Variants in FRYL observed in about 807,000 individuals in gnomAD.
FRYL encodes the protein FRY like transcription coactivator, also known as protein furry homolog-like.
A neutral mutation model predicts 351.2 loss-of-function variants in FRYL; 150 were observed. The observed-to-expected ratio is 0.43, with a 90% CI of 0.37 to 0.49. The LOEUF is 0.49. FRYL is among the 20% of genes least tolerant of loss of function. The probability of loss-of-function intolerance (pLI) is 0.00; values close to 1 mark genes in which losing one functional copy is unlikely to be tolerated. For missense variants in FRYL, 3,036 were observed against 3,619.3 expected (o/e 0.84, Z 4.13); for synonymous variants, 1,153 against 1,257.1 (o/e 0.92, Z 1.75).
At chr4:48,587,539 T>A (rs910133514) in intron 18 of FRYL, among the ~76,000 whole-genome samples, 1 of 151,936 alleles carries the variant, frequency 6.6e-6, no homozygotes, top group African/African-American at 2.4e-5. Flanking sequence ...TGGGTTTTAT[T>A]TTTATTTTTT....
Position 48,629,651 on chromosome 4 carries a change from G to A in FRYL, c.120+4640C>T, listed in dbSNP as rs75962928. Among the ~76,000 whole-genome samples, 354 of 152,180 alleles carry A rather than the reference G, an allele frequency of 2.3e-3. 3 individuals carry two copies. The highest frequency in any genetic ancestry group is 8.1e-3 in the African/African-American group (335 of 41,524). ...AGATTTAGGACAGGAAGTTGGAATGGGGACTGAAATTTCAGATAACATGAT... is the reference window on the plus strand; with the variant it reads ...AGATTTAGGACAGGAAGTTGGAATGAGGACTGAAATTTCAGATAACATGAT... On this transcript the variant is annotated intron_variant, in intron 4 of 63. Transcript: ENST00000358350.
At chr4:48,678,702 G>C (rs1400198662) in intron 3 of FRYL, among the ~76,000 whole-genome samples, 1 of 151,502 alleles carries the variant, frequency 6.6e-6, no homozygotes. Context: ...TTTTATTTTT[G>C]AAGAGAAAAA....
intron 13 of FRYL, among the ~76,000 whole-genome samples, chr4:48,601,419 C>G (rs1056097254): frequency 6.6e-6 from 1 of 152,136 alleles, no homozygotes; most frequent in South Asian, 2.1e-4. Context: ...GCAGAGCATC[C>G]TGGGAAGAAA....
intron 16 of FRYL, among the ~76,000 whole-genome samples, 176 bp from the exon 17 acceptor site, chr4:48,591,006 A>C (rs1210113207): frequency 2.0e-5 from 3 of 152,142 alleles, no homozygotes; most frequent in Non-Finnish European, 4.4e-5. Flanking sequence ...AATTTGCTTT[A>C]ATATCAAATT....
At position 48,763,537 on chromosome 4, in the gene FRYL, T is replaced by A. The variant is rs1774629292; in HGVS notation, c.-384+16541A>T. On this transcript the variant is annotated intron_variant, in intron 1 of 63. Coordinates refer to ENST00000358350, the MANE Select transcript of FRYL (RefSeq NM_015030.2). ...CTTAATCATTCAAAATGTATTAAAT[T>A]CAAAGTGGAGTACATGTACCCCTTA... Among the ~76,000 whole-genome samples, 4 of 152,262 alleles carry A rather than the reference T, an allele frequency of 2.6e-5. No homozygotes were observed. The South Asian group carries it at 8.3e-4, about 32-fold the overall frequency.
intron 18 of FRYL, among the ~76,000 whole-genome samples, chr4:48,587,996 A>AC (rs1156922279): frequency 9.9e-5 from 15 of 152,222 alleles, no homozygotes; most frequent in Non-Finnish European, 2.1e-4. Context: ...AATTTAAGCT[A>AC]CCATACATTA....
At chr4:48,602,907 G>C (rs1745993781) in intron 12 of FRYL, among the ~76,000 whole-genome samples, 1 of 152,184 alleles carries the variant, frequency 6.6e-6, no homozygotes, top group South Asian at 2.1e-4. Context: ...CAGGTTTGTA[G>C]TCTGGGAGCA....
intron 58 of FRYL, among the ~76,000 whole-genome samples, chr4:48,510,374 T>C (rs1013531329): frequency 8.5e-5 from 13 of 152,192 alleles, no homozygotes; most frequent in Admixed American, 8.5e-4. Context: ...CCTCAAGTGT[T>C]TTCAAAGACG....
At chr4:48,641,081 A>T (rs1228690487) in intron 3 of FRYL, among the ~76,000 whole-genome samples, 2 of 152,204 alleles carry the variant, frequency 1.3e-5, no homozygotes, top group Non-Finnish European at 2.9e-5. Context: ...GCAAATTTCA[A>T]CTTCTGGTGA....
rs540696996 is a variant in FRYL at position 48,654,931 on chromosome 4, T to C, written c.-80-20441A>G. ...ACTGTGACTTTGAAGGTCATGTGTT[T>C]AGAGTTATTTTTTTCCATATGTAGC... is the stretch of plus-strand genomic sequence containing the variant. On this transcript the variant is annotated intron_variant, in intron 3 of 63. Transcript: ENST00000358350. Among the ~76,000 whole-genome samples the C allele has an allele frequency of 1.4e-3, 211 of 152,368 alleles. 1 individual carries two copies. The highest frequency in any genetic ancestry group is 4.5e-3 in the African/African-American group (187 of 41,584).
Position 48,498,620 on chromosome 4 carries a change from A to ATTTCT in FRYL, c.*797_*801dup, listed in dbSNP as rs1165611412. 1 of 152,666 alleles carries ATTTCT rather than the reference A, an allele frequency of 6.6e-6. No individual in the cohort carries two copies. Among genetic ancestry groups the ATTTCT allele is most frequent in the African/African-American group, 2.4e-5 (1 of 41,464 alleles). The allele number at this position is 152,666 out of a possible 1,614,324, so 9.5% of individuals were successfully genotyped here. On this transcript the variant is annotated 3_prime_UTR_variant, in exon 64 of 64. Coordinates refer to ENST00000358350, the MANE Select transcript of FRYL (RefSeq NM_015030.2). ...TTCCAATAACGTTAACAGATATATT[A>ATTTCT]TTTCTTTTTGAAATACTGGGAAAGC...
At chr4:48,538,802 T>C (rs145114458) in intron 47 of FRYL, among the ~76,000 whole-genome samples, 123 of 152,238 alleles carry the variant, frequency 8.1e-4, no homozygotes, top group African/African-American at 2.9e-3. Flanking sequence ...CCAAATTTCC[T>C]ATTACATGTA....
At chr4:48,736,850 G>GAAAAA (rs368006420) in intron 1 of FRYL, among the ~76,000 whole-genome samples, 3 of 40,598 alleles carry the variant, frequency 7.4e-5, no homozygotes, top group East Asian at 7.3e-4. Context: ...ACTCTGTCTC[G>GAAAAA]AAAAAAAAAA....
chr4:48,550,365 T>A, intron 38 of FRYL: 2 of 494,966 alleles, frequency 4.0e-6, no homozygotes, highest in Non-Finnish European at 7.1e-6. Context: ...CCAGTTCTTA[T>A]GTTCCTTGTG....
rs186504441 is a variant in FRYL, at chr4:48,595,800, C to A, written c.1139+97G>T. 9.1e-6 allele frequency: 10 copies of A among 1,094,814 alleles called. No individual in the cohort carries two copies. The Admixed American group carries it at 2.5e-4, about 27-fold the overall frequency. The allele number at this position is 1,094,814 out of a possible 1,614,324, so 67.8% of individuals were successfully genotyped here. A position where few individuals can be genotyped will look rare whatever the true frequency, so the allele number is the denominator to read the frequency against. On this transcript the variant is annotated intron_variant, in intron 14 of 63. Coordinates refer to ENST00000358350, the MANE Select transcript of FRYL (RefSeq NM_015030.2). Reference sequence around the variant, plus strand: ...ATAATATATTGACAGAATTCATATTCCACCCACAAAGTATAATGTTTACTA... The same window carrying A: ...ATAATATATTGACAGAATTCATATTACACCCACAAAGTATAATGTTTACTA...
chr4:48,685,910 C>T (rs1441643648), intron 2 of FRYL, among the ~76,000 whole-genome samples: 2 of 152,072 alleles, frequency 1.3e-5, no homozygotes, highest in Non-Finnish European at 2.9e-5. Context: ...TCCGCCACCA[C>T]GCCCGGCTAA....
chr4:48,596,472 G>A (rs1403568161), intron 13 of FRYL, among the ~76,000 whole-genome samples: 1 of 152,024 alleles, frequency 6.6e-6, no homozygotes, highest in African/African-American at 2.4e-5. Context: ...ATATCCTTAC[G>A]AGTGAATAGG....
At chr4:48,600,577 G>A (rs938851267) in intron 13 of FRYL, among the ~76,000 whole-genome samples, 6 of 152,148 alleles carry the variant, frequency 3.9e-5, no homozygotes, top group Non-Finnish European at 7.3e-5. Context: ...AAGGTACTGC[G>A]AAGTATTGCA....
chr4:48,589,872 A>T lies in FRYL; in HGVS notation c.1513T>A (p.Ser505Thr), dbSNP rs1230745009. The T allele has an allele frequency of 1.2e-6, 2 of 1,611,020 alleles. No individual in the cohort carries two copies. The highest frequency in any genetic ancestry group is 8.5e-7 in the Non-Finnish European group (1 of 1,178,216). The change falls in exon 18 of 64, where the codon TCA (serine) becomes ACA (threonine). Residue 505 changes from serine (S) to threonine (T), a missense_variant. By Grantham distance (58) the Ser-to-Thr change is moderately conservative (BLOSUM62 1). This residue lies in a region of FRYL where 78 missense variants were observed against 106.6 expected (regional missense o/e 0.73). Coordinates refer to ENST00000358350, the MANE Select transcript of FRYL (RefSeq NM_015030.2). ...TTTCTTACTTGAGGATAGTAAACTG[A>T]CATTCCTAGGGGAAAAAACTTCACA... ...TDEEAKVIGMSVYYPQVRKAL... is the reference protein window; with the variant it reads ...TDEEAKVIGMTVYYPQVRKAL...
Sources: gnomAD v4.1 joint callset for allele counts (sites outside exome capture counted in the v4.1 genomes callset) on GRCh38, gnomAD v4.1.1 for gene constraint, gnomAD v4.1.1 regional missense constraint, MANE v1.5 for transcripts, NCBI Gene and HGNC (gene_info 2026-07-23, HGNC 2026-07-21) for gene names.